HRH1: variants seen among roughly 807,000 people sequenced by gnomAD.
The protein encoded by HRH1 is histamine receptor H1, also known as histamine H1 receptor.
In HRH1, 6 loss-of-function variants were observed where a neutral mutation model predicts 10.3. The ratio of observed to expected loss-of-function variants is 0.58; its 90% CI spans 0.32 to 1.15. The LOEUF (loss-of-function observed/expected upper bound fraction) is 1.15. HRH1 is among the 50% of genes most tolerant of loss of function. HRH1 has a pLI of 0.05. For missense variants in HRH1, 514 were observed against 615.3 expected, an observed-to-expected ratio of 0.84 and a Z score of 1.74; for synonymous variants, 242 against 236.7, an observed-to-expected ratio of 1.02 and a Z score of -0.21.
intron 1 of HRH1, among the ~76,000 whole-genome samples, chr3:11,238,402 T>C (rs1348427817): frequency 6.6e-6 from 1 of 152,224 alleles, no homozygotes; most frequent in Non-Finnish European, 1.5e-5. Context: ...TAGTTTGTTT[T>C]CATTTAAATG....
intron 1 of HRH1, among the ~76,000 whole-genome samples, chr3:11,250,728 G>T (rs1436245563): frequency 6.6e-6 from 1 of 152,316 alleles, no homozygotes; most frequent in Non-Finnish European, 1.5e-5. Flanking sequence ...CATCTCATAA[G>T]GGGGTAGACC....
chr3:11,150,685 G>A (rs1229318015), upstream of HRH1, among the ~76,000 whole-genome samples: 1 of 152,140 alleles, frequency 6.6e-6, no homozygotes, highest in Non-Finnish European at 1.5e-5. Flanking sequence ...AGAGTTGGGG[G>A]ACATGGGTTC....
rs1559249666 is a variant in HRH1, at chr3:11,144,398, C to CGT, written c.-36+6999_-36+7000insGT. 1.7e-4 allele frequency among the ~76,000 whole-genome samples: 25 copies of CGT among 149,040 alleles called. 4 individuals are homozygous for CGT. The highest frequency in any genetic ancestry group is 1.3e-3 in the Admixed American group (19 of 14,918). On this transcript the variant is annotated intron_variant, in intron 1 of 1. Transcript: ENST00000438284. ...ATATATGTCTATATGTGTATATATA[C>CGT]ATATAGACATACATCTATAGGTATA... is the stretch of plus-strand genomic sequence containing the variant.
chr3:11,231,976 G>A (rs182179310), intron 1 of HRH1, among the ~76,000 whole-genome samples: 1 of 151,214 alleles, frequency 6.6e-6, no homozygotes, highest in African/African-American at 2.4e-5. Context: ...TTAATGGTCT[G>A]TGGAGCATTT....
chr3:11,226,301 G>A (rs930169737), intron 1 of HRH1: 1 of 152,188 alleles, frequency 6.6e-6, no homozygotes, highest in Non-Finnish European at 1.5e-5. Flanking sequence ...GGAAAGCTAA[G>A]TTCATTTATA....
intron 1 of HRH1, among the ~76,000 whole-genome samples, chr3:11,193,718 A>AGGGT: frequency 1.3e-5 from 2 of 152,100 alleles, no homozygotes; most frequent in Admixed American, 6.6e-5. Context: ...GTAAATGGTG[A>AGGGT]CAGTCAACAT....
intron 1 of HRH1, among the ~76,000 whole-genome samples, chr3:11,248,885 A>G (rs558514855): frequency 1.2e-3 from 181 of 152,330 alleles, no homozygotes; most frequent in Non-Finnish European, 2.2e-3. Flanking sequence ...ATGACCATCC[A>G]AGTGGGAAGG....
intron 1 of HRH1, among the ~76,000 whole-genome samples, chr3:11,209,147 A>G (rs1938237129): frequency 6.6e-6 from 1 of 152,224 alleles, no homozygotes; most frequent in Non-Finnish European, 1.5e-5. Flanking sequence ...GCTGGAGTGC[A>G]GTAGTATGAT....
chr3:11,179,005 C>T (rs868685904), intron 1 of HRH1, among the ~76,000 whole-genome samples: 19 of 152,088 alleles, frequency 1.2e-4, no homozygotes, highest in South Asian at 2.1e-4. Context: ...GAAAGTCAGC[C>T]GGGGGGACAC....
At chr3:11,213,550 G>C (rs1448477626) in intron 1 of HRH1, among the ~76,000 whole-genome samples, 2 of 152,102 alleles carry the variant, frequency 1.3e-5, no homozygotes, top group Admixed American at 6.5e-5. Context: ...TGTGTAGGGA[G>C]GGTTCCTTCC....
chr3:11,157,046 T>C (rs1412852032), intron 1 of HRH1, among the ~76,000 whole-genome samples: 1 of 152,234 alleles, frequency 6.6e-6, no homozygotes, highest in Admixed American at 6.5e-5. Context: ...GTGTGGATGA[T>C]ATTGCTGCTA....
At chr3:11,225,346 G>A (rs779564645) in intron 1 of HRH1, among the ~76,000 whole-genome samples, 18 of 152,326 alleles carry the variant, frequency 1.2e-4, no homozygotes, top group African/African-American at 2.2e-4. Flanking sequence ...GCTGGAGTCG[G>A]AGAGAGGGAC....
chr3:11,152,707 T>C (rs1179756553), upstream of HRH1, among the ~76,000 whole-genome samples: 1 of 151,206 alleles, frequency 6.6e-6, no homozygotes, highest in Non-Finnish European at 1.5e-5. Context: ...TTAGAATTTA[T>C]AACAGTTGCT....
chr3:11,205,821 C>A (rs970106242), intron 1 of HRH1, among the ~76,000 whole-genome samples: 1 of 152,056 alleles, frequency 6.6e-6, no homozygotes, highest in African/African-American at 2.4e-5. Context: ...GCCACCACAC[C>A]CAGTTAATTT....
chr3:11,233,702 C>T (rs1939101667), intron 1 of HRH1, among the ~76,000 whole-genome samples: 1 of 152,202 alleles, frequency 6.6e-6, no homozygotes, highest in South Asian at 2.1e-4. Flanking sequence ...TCAATGCCAA[C>T]ATGGAAACCA....
intron 1 of HRH1, among the ~76,000 whole-genome samples, chr3:11,240,111 C>A (rs1417691143): frequency 6.6e-6 from 1 of 151,912 alleles, no homozygotes; most frequent in Non-Finnish European, 1.5e-5. Context: ...CCAGAGCCCA[C>A]CCTAGGTGAA....
chr3:11,210,090 C>A (rs971374588), intron 1 of HRH1, among the ~76,000 whole-genome samples: 1 of 152,152 alleles, frequency 6.6e-6, no homozygotes, highest in African/African-American at 2.4e-5. Context: ...GTTTTTATAT[C>A]TCTTATGTGG....
chr3:11,174,570 C>T (rs556230736), intron 1 of HRH1, among the ~76,000 whole-genome samples: 2 of 152,300 alleles, frequency 1.3e-5, no homozygotes, highest in East Asian at 3.9e-4. Flanking sequence ...GGTGAAAAGG[C>T]AGAGAGAACC....
chr3:11,215,684 G>A (rs772038268), intron 1 of HRH1, among the ~76,000 whole-genome samples: 14 of 152,146 alleles, frequency 9.2e-5, no homozygotes, highest in Non-Finnish European at 1.5e-4. Context: ...CTCGTGATCC[G>A]CCCGCCTCGG....
Sources: gnomAD v4.1 joint callset for allele counts (sites outside exome capture counted in the v4.1 genomes callset) on GRCh38, gnomAD v4.1.1 for gene constraint, MANE v1.5 for transcripts, NCBI Gene and HGNC (gene_info 2026-07-23, HGNC 2026-07-21) for gene names.